CRY1: variants seen among roughly 807,000 people sequenced by gnomAD.
CRY1 encodes cryptochrome-1.
Under a neutral mutation model 76.0 loss-of-function variants are expected in CRY1, and 45 were observed. The ratio of observed to expected loss-of-function variants is 0.59; its 90% CI spans 0.47 to 0.76. CRY1 has a LOEUF of 0.76. Among genes scored for constraint, CRY1 ranks in the 30% least tolerant of loss-of-function variants. The pLI, the probability that CRY1 is intolerant of heterozygous loss-of-function variation, is 0.00. For missense variants in CRY1, 587 were observed against 716.4 expected, an observed-to-expected ratio of 0.82 and a Z score of 2.06; for synonymous variants, 248 against 244.0, an observed-to-expected ratio of 1.02 and a Z score of -0.15.
intron 1 of CRY1, among the ~76,000 whole-genome samples, chr12:107,041,724 A>G (rs1952801974): frequency 7.6e-6 from 1 of 131,796 alleles, no homozygotes; most frequent in South Asian, 2.3e-4. Context: ...TGGTTTTCTG[A>G]TATTCCTATT....
intron 12 of CRY1, 136 bp downstream of exon 12, chr12:106,992,651 G>T (rs915333245): frequency 2.6e-6 from 2 of 775,756 alleles, no homozygotes; most frequent in Admixed American, 5.3e-5. Context: ...AACTGAGTTT[G>T]TAAAAATTGC....
chr12:107,061,398 A>T (rs2136883964), intron 1 of CRY1, among the ~76,000 whole-genome samples: 1 of 150,388 alleles, frequency 6.6e-6, no homozygotes, highest in South Asian at 2.1e-4. Context: ...TTTAAGATGG[A>T]GTCTCACTCT....
rs148848690 is a variant in CRY1, at chr12:107,002,521, G to A, written c.411-573C>T. On this transcript the variant is annotated intron_variant, in intron 3 of 12. Coordinates refer to ENST00000008527, the MANE Select transcript of CRY1 (RefSeq NM_004075.5). ...TATAATCTCAGTTACTTTTTTGTAT[G>A]TGTGTGACAAAAGCAGCTAAAATCT... 6.4e-4 allele frequency among the ~76,000 whole-genome samples: 97 copies of A among 152,246 alleles called. 1 individual carries two copies. The highest frequency in any genetic ancestry group is 2.2e-3 in the African/African-American group (93 of 41,556).
At chr12:107,050,523 T>C (rs1952905937) in intron 1 of CRY1, among the ~76,000 whole-genome samples, 1 of 152,178 alleles carries the variant, frequency 6.6e-6, no homozygotes, top group Non-Finnish European at 1.5e-5. Flanking sequence ...GCTCCCTCTC[T>C]TGTCATGTGA....
At chr12:107,038,207 A>C (rs1565833251) in intron 1 of CRY1, among the ~76,000 whole-genome samples, 1 of 152,234 alleles carries the variant, frequency 6.6e-6, no homozygotes, top group Non-Finnish European at 1.5e-5. Context: ...CTAATACAGC[A>C]AAGGAAATGA....
At chr12:107,089,761 C>T (rs1953447494) in intron 1 of CRY1, among the ~76,000 whole-genome samples, 1 of 152,170 alleles carries the variant, frequency 6.6e-6, no homozygotes, top group Non-Finnish European at 1.5e-5. Flanking sequence ...GTAGATCTTG[C>T]CAGGCTAAGG....
At chr12:107,003,615 TTTGAATTTATTCATAGGG>T (rs1461192391) in intron 3 of CRY1, among the ~76,000 whole-genome samples, 2 of 152,186 alleles carry the variant, frequency 1.3e-5, no homozygotes, top group Admixed American at 6.5e-5. Flanking sequence ...TTTGGTGTAT[TTTGAATTTATTCATAGGG>T]TTGCAATGAA....
intron 1 of CRY1, among the ~76,000 whole-genome samples, chr12:107,047,553 G>T (rs2136871827): frequency 6.6e-6 from 1 of 152,208 alleles, no homozygotes. Flanking sequence ...TCCTTATAGT[G>T]AATTTGTTCT....
At chr12:107,005,399 A>G (rs1015494092) in intron 2 of CRY1, 151 bp from the exon 3 acceptor site, 1 of 785,008 alleles carries the variant, frequency 1.3e-6, no homozygotes, top group East Asian at 2.7e-5. Flanking sequence ...CAATTTATCA[A>G]TTAAAAAATA....
At chr12:107,057,486 GT>G (rs1182484852) in intron 1 of CRY1, among the ~76,000 whole-genome samples, 8 of 152,272 alleles carry the variant, frequency 5.3e-5, no homozygotes, top group African/African-American at 1.9e-4. Context: ...TCTCTCCAAA[GT>G]TTTCTCACAA....
Position 106,999,544 on chromosome 12 carries a change from C to A in CRY1, c.1137+7G>T, listed in dbSNP as rs1465425654. 4.4e-6 allele frequency: 7 copies of A among 1,604,352 alleles called. No individual in the cohort carries two copies. Among genetic ancestry groups the A allele is most frequent in the Middle Eastern group, 3.3e-4 (2 of 6,008 alleles). On this transcript the variant is annotated splice_region_variant and intron_variant, in intron 7 of 12. Transcript: ENST00000008527. Reference sequence around the variant, plus strand: ...ATAAGGCATGCTATATCAGTTAGAACACTTACCTTCATTCCTTCTTCCCAA... The same window carrying A: ...ATAAGGCATGCTATATCAGTTAGAAAACTTACCTTCATTCCTTCTTCCCAA...
At chr12:107,024,586 AG>A (rs781112930) in intron 1 of CRY1, among the ~76,000 whole-genome samples, 1 of 152,156 alleles carries the variant, frequency 6.6e-6, no homozygotes, top group Non-Finnish European at 1.5e-5. Context: ...CACGTTGCCC[AG>A]GCTGGTCTCG....
chr12:107,068,855 G>A (rs1953144242), intron 1 of CRY1, among the ~76,000 whole-genome samples: 1 of 152,060 alleles, frequency 6.6e-6, no homozygotes, highest in Non-Finnish European at 1.5e-5. Flanking sequence ...GTGATCTTTG[G>A]TGTCTGGTTT....
chr12:107,018,408 G>A (rs187393070), intron 2 of CRY1, among the ~76,000 whole-genome samples: 237 of 152,156 alleles, frequency 1.6e-3, no homozygotes, highest in African/African-American at 5.2e-3. Context: ...GCCAATTGGC[G>A]AAACCCTTTC....
intron 1 of CRY1, among the ~76,000 whole-genome samples, chr12:107,058,458 A>C (rs1565839161): frequency 6.6e-6 from 1 of 152,204 alleles, no homozygotes; most frequent in Non-Finnish European, 1.5e-5. Flanking sequence ...GAGATGAAAA[A>C]ACAAGTTGGA....
At chr12:107,045,249 G>A (rs1952836783) in intron 1 of CRY1, among the ~76,000 whole-genome samples, 1 of 151,866 alleles carries the variant, frequency 6.6e-6, no homozygotes, top group Non-Finnish European at 1.5e-5. Context: ...AAAAAAAAAT[G>A]CCACCAAAAA....
At chr12:107,059,438 A>G (rs977746178) in intron 1 of CRY1, among the ~76,000 whole-genome samples, 3 of 151,988 alleles carry the variant, frequency 2.0e-5, no homozygotes, top group Admixed American at 6.6e-5. Flanking sequence ...TTTTTAGTAG[A>G]GATGAAGTCT....
intron 2 of CRY1, among the ~76,000 whole-genome samples, chr12:107,018,895 G>C (rs1198388656): frequency 1.3e-5 from 2 of 152,140 alleles, no homozygotes; most frequent in African/African-American, 2.4e-5. Context: ...CTTATAAACA[G>C]AATAAATTGA....
intron 1 of CRY1, among the ~76,000 whole-genome samples, chr12:107,063,047 T>C (rs992957887): frequency 4.6e-5 from 7 of 152,258 alleles, no homozygotes; most frequent in African/African-American, 1.4e-4. Context: ...TATTTCATGG[T>C]GTTCTCTTTA....
Sources: gnomAD v4.1 joint callset for allele counts (sites outside exome capture counted in the v4.1 genomes callset) on GRCh38, gnomAD v4.1.1 for gene constraint, MANE v1.5 for transcripts, NCBI Gene and HGNC (gene_info 2026-07-23, HGNC 2026-07-21) for gene names.